The following BCAT1 variants were observed in gnomAD, a reference collection of about 807,000 sequenced individuals.
BCAT1 encodes branched chain amino acid transaminase 1.
BCAT1 carries 48 observed loss-of-function variants against 52.4 expected under a neutral mutation model. The observed-to-expected ratio is 0.92, with a 90% confidence interval of 0.73 to 1.16. The LOEUF (loss-of-function observed/expected upper bound fraction) is 1.16, where lower values mean the gene tolerates loss of function less well. BCAT1 is among the 50% of genes most tolerant of loss of function. The pLI, the probability that BCAT1 is intolerant of heterozygous loss-of-function variation, is 0.00. For missense variants in BCAT1, 451 were observed against 457.1 expected, an observed-to-expected ratio of 0.99 and a Z score of 0.12; for synonymous variants, 167 against 161.3, an observed-to-expected ratio of 1.04 and a Z score of -0.27.
chr12:24,902,087 C>T, intron 1 of BCAT1: 1 of 1,480,560 alleles, frequency 6.8e-7, no homozygotes, highest in Non-Finnish European at 8.9e-7. Context: ...ACTTCCCACC[C>T]TGCCGGGGTC....
At chr12:24,877,824 T>G (rs1279815790) in intron 5 of BCAT1, among the ~76,000 whole-genome samples, 4 of 152,160 alleles carry the variant, frequency 2.6e-5, no homozygotes, top group African/African-American at 9.7e-5. Context: ...TTATGTGCTG[T>G]CTATGGCTGC....
At chr12:24,876,337 T>C (rs1420739578) in intron 5 of BCAT1, among the ~76,000 whole-genome samples, 1 of 150,806 alleles carries the variant, frequency 6.6e-6, no homozygotes, top group Non-Finnish European at 1.5e-5. Context: ...AAACAAAAAT[T>C]CTTAAAATAT....
intron 3 of BCAT1, among the ~76,000 whole-genome samples, chr12:24,886,300 C>T (rs1256758951): frequency 6.6e-6 from 1 of 152,134 alleles, no homozygotes; most frequent in Non-Finnish European, 1.5e-5. Context: ...CACCTGTGGT[C>T]CCAGCAACTA....
intron 5 of BCAT1, among the ~76,000 whole-genome samples, chr12:24,865,059 G>A (rs1037890590): frequency 6.6e-6 from 1 of 152,108 alleles, no homozygotes; most frequent in African/African-American, 2.4e-5. Context: ...CTGCCCCAGG[G>A]GTTAGTCCTT....
chr12:24,870,996 C>T (rs1942170611), intron 5 of BCAT1, among the ~76,000 whole-genome samples: 1 of 151,956 alleles, frequency 6.6e-6, no homozygotes, highest in African/African-American at 2.4e-5. Context: ...GCACTCCAGC[C>T]TGGGCAACAG....
intron 6 of BCAT1, among the ~76,000 whole-genome samples, chr12:24,847,475 G>A (rs555567347): frequency 6.6e-6 from 1 of 152,138 alleles, no homozygotes; most frequent in Non-Finnish European, 1.5e-5. Flanking sequence ...TGACAGTTAG[G>A]TTTTTAAGCC....
chr12:24,868,084 C>T (rs555349367), intron 5 of BCAT1, among the ~76,000 whole-genome samples: 34 of 152,282 alleles, frequency 2.2e-4, no homozygotes, highest in Admixed American at 5.9e-4. Flanking sequence ...ATGCCTATCA[C>T]GAGCCAAGCA....
chr12:24,845,451 AAT>A (rs1460002389), intron 6 of BCAT1, among the ~76,000 whole-genome samples: 1 of 152,226 alleles, frequency 6.6e-6, no homozygotes, highest in Non-Finnish European at 1.5e-5. Flanking sequence ...ACTGATAGTA[AAT>A]AGATAACTGA....
chr12:24,866,101 C>A (rs1213622812), intron 5 of BCAT1, among the ~76,000 whole-genome samples: 5 of 152,226 alleles, frequency 3.3e-5, no homozygotes, highest in Non-Finnish European at 7.3e-5. Flanking sequence ...GGAACCCGGG[C>A]TGCGCATGGT....
intron 7 of BCAT1, among the ~76,000 whole-genome samples, chr12:24,840,951 A>T (rs1435597467): frequency 1.3e-5 from 2 of 152,228 alleles, no homozygotes; most frequent in African/African-American, 4.8e-5. Flanking sequence ...TAAATTTGGT[A>T]TGATTATCAA....
At chr12:24,870,223 T>C (rs933498712) in intron 5 of BCAT1, among the ~76,000 whole-genome samples, 2 of 152,194 alleles carry the variant, frequency 1.3e-5, no homozygotes, top group East Asian at 1.9e-4. Context: ...CTTAGAAGCA[T>C]TGTAATTGAA....
intron 5 of BCAT1, among the ~76,000 whole-genome samples, chr12:24,872,811 T>A (rs1942217735): frequency 6.6e-6 from 1 of 152,186 alleles, no homozygotes; most frequent in African/African-American, 2.4e-5. Context: ...AGACACTTAT[T>A]CTCAGCCCTG....
At chr12:24,913,760 T>A (rs1314842508) in intron 1 of BCAT1, among the ~76,000 whole-genome samples, 1 of 152,220 alleles carries the variant, frequency 6.6e-6, no homozygotes, top group Non-Finnish European at 1.5e-5. Context: ...GGACCCTTCT[T>A]GCCTCTCTGA....
At chr12:24,936,038 C>T (rs1440649078) in intron 1 of BCAT1, among the ~76,000 whole-genome samples, 1 of 152,210 alleles carries the variant, frequency 6.6e-6, no homozygotes, top group Non-Finnish European at 1.5e-5. Flanking sequence ...AACAGTCTTT[C>T]TAAGGCAAGC....
At chr12:24,820,263 T>C (rs934526761) in intron 10 of BCAT1, among the ~76,000 whole-genome samples, 2 of 152,196 alleles carry the variant, frequency 1.3e-5, no homozygotes, top group African/African-American at 4.8e-5. Context: ...TGTAAAATCA[T>C]AGCATTCTGA....
chr12:24,886,857 G>A (rs530649323), intron 3 of BCAT1, among the ~76,000 whole-genome samples: 2 of 148,494 alleles, frequency 1.3e-5, no homozygotes, highest in East Asian at 3.9e-4. Context: ...AAGAGGCCGG[G>A]CATAGTGGCT....
Position 24,812,799 on chromosome 12 carries a change from T to G in BCAT1, c.*5209A>C, listed in dbSNP as rs1158506298. On this transcript the variant is annotated 3_prime_UTR_variant, in exon 11 of 11. Coordinates refer to ENST00000261192, the MANE Select transcript of BCAT1 (RefSeq NM_005504.7). ...TAGTGAGCAACAGGAAACCTAGCCATTGTGATAGTGGATATGTAGAGAAAA... is the reference window on the plus strand; with the variant it reads ...TAGTGAGCAACAGGAAACCTAGCCAGTGTGATAGTGGATATGTAGAGAAAA... The G allele has an allele frequency of 6.6e-6, 1 of 152,030 alleles. No individual in the cohort carries two copies. Among genetic ancestry groups the G allele is most frequent in the Non-Finnish European group, 1.5e-5 (1 of 67,902 alleles). 9.4% of individuals were successfully genotyped at this position (152,030 alleles called of 1,614,324 possible).
chr12:24,823,375 CCTT>C (rs1225128421), intron 10 of BCAT1, among the ~76,000 whole-genome samples: 1 of 152,092 alleles, frequency 6.6e-6, no homozygotes, highest in Non-Finnish European at 1.5e-5. Context: ...TGCCTGGCCA[CCTT>C]CTTCATTTTT....
At chr12:24,903,115 G>A in intron 1 of BCAT1, 3 of 1,329,234 alleles carry the variant, frequency 2.3e-6, no homozygotes, top group South Asian at 2.0e-5. Flanking sequence ...ACCACGACCT[G>A]GGGCCGCGCG....
Sources: allele counts gnomAD v4.1 joint callset (sites outside exome capture counted in the v4.1 genomes callset), GRCh38; gene constraint gnomAD v4.1.1; transcripts MANE v1.5; gene names NCBI Gene and HGNC (gene_info 2026-07-23, HGNC 2026-07-21).